Variants in PRDM5 observed in about 807,000 individuals in gnomAD.
The protein encoded by PRDM5 is PR/SET domain 5, also known as PR domain zinc finger protein 5.
A neutral mutation model predicts 81.2 loss-of-function variants in PRDM5; 56 were observed. That is an observed-to-expected ratio of 0.69 (90% CI 0.56 to 0.86). The LOEUF is 0.86. Among genes scored for constraint, PRDM5 ranks in the 40% least tolerant of loss-of-function variants. The pLI is 0.00. For missense variants in PRDM5, 697 were observed against 770.1 expected, an observed-to-expected ratio of 0.91 and a Z score of 1.12; for synonymous variants, 267 against 256.4, an observed-to-expected ratio of 1.04 and a Z score of -0.39.
intron 2 of PRDM5, among the ~76,000 whole-genome samples, chr4:120,897,575 C>A (rs1056996901): frequency 6.6e-6 from 1 of 152,286 alleles, no homozygotes; most frequent in Non-Finnish European, 1.5e-5. Flanking sequence ...ACATCCTCTC[C>A]TGCTAAGCTA....
At chr4:120,834,815 A>G (rs1162332094) in intron 3 of PRDM5, among the ~76,000 whole-genome samples, 1 of 152,146 alleles carries the variant, frequency 6.6e-6, no homozygotes, top group African/African-American at 2.4e-5. Context: ...ATCATCAAGC[A>G]AGGAATTTGG....
intron 2 of PRDM5, among the ~76,000 whole-genome samples, chr4:120,865,455 T>C (rs974588373): frequency 5.3e-5 from 8 of 152,188 alleles, no homozygotes; most frequent in African/African-American, 7.2e-5. Context: ...TGTGATTTGT[T>C]CTCCTGTAGG....
At chr4:120,868,366 T>C (rs1056753929) in intron 2 of PRDM5, among the ~76,000 whole-genome samples, 1 of 152,178 alleles carries the variant, frequency 6.6e-6, no homozygotes, top group Non-Finnish European at 1.5e-5. Flanking sequence ...TAAATAGTAA[T>C]GCTAGCTAGG....
chr4:120,912,712 T>C (rs1241150734), intron 1 of PRDM5, among the ~76,000 whole-genome samples: 2 of 152,216 alleles, frequency 1.3e-5, no homozygotes, highest in African/African-American at 4.8e-5. Context: ...TAGGAGAATG[T>C]CCTTATGCTA....
intron 14 of PRDM5, among the ~76,000 whole-genome samples, chr4:120,737,781 C>T (rs1741333974): frequency 6.6e-6 from 1 of 152,206 alleles, no homozygotes; most frequent in Non-Finnish European, 1.5e-5. Flanking sequence ...GCTATAGTCC[C>T]AGCTCTTAGC....
chr4:120,727,862 G>C (rs1739663603), intron 14 of PRDM5, among the ~76,000 whole-genome samples: 1 of 151,768 alleles, frequency 6.6e-6, no homozygotes, highest in Non-Finnish European at 1.5e-5. Flanking sequence ...CTTGAACCCG[G>C]GAGGTGGAGG....
intron 10 of PRDM5, 114 bp from the exon 11 acceptor site, chr4:120,785,205 T>C (rs929586632): frequency 2.0e-5 from 16 of 785,916 alleles, no homozygotes; most frequent in Non-Finnish European, 3.1e-5. Context: ...GTGGACAGTA[T>C]CTGTTTCTTC....
chr4:120,716,797 C>A (rs143873723), intron 14 of PRDM5, among the ~76,000 whole-genome samples: 1 of 152,162 alleles, frequency 6.6e-6, no homozygotes, highest in East Asian at 1.9e-4. Context: ...GAGGCAGAGC[C>A]AAGAGGTCAT....
rs116394763 is a variant in PRDM5 at position 120,857,530 on chromosome 4, C to T, written c.178-3990G>A. ...TCTAGCCTCTGTTGAATGCTACTGA[C>T]GTCACTTTTCAAGTATCTGAGAGAA... is the stretch of plus-strand genomic sequence containing the variant. On this transcript the variant is annotated intron_variant, in intron 2 of 15. Coordinates refer to ENST00000264808, the MANE Select transcript of PRDM5 (RefSeq NM_018699.4). Among the ~76,000 whole-genome samples, 465 of 152,258 alleles carry T rather than the reference C, an allele frequency of 3.1e-3. 1 individual carries two copies. Among genetic ancestry groups the T allele is most frequent in the African/African-American group, 8.8e-3 (364 of 41,550 alleles).
intron 11 of PRDM5, among the ~76,000 whole-genome samples, chr4:120,782,505 C>A (rs545162495): frequency 5.4e-4 from 82 of 152,126 alleles, no homozygotes; most frequent in African/African-American, 1.8e-3. Context: ...AAATTACCTT[C>A]TCTTTGTCTT....
At chr4:120,760,492 A>C (rs1217753730) in intron 13 of PRDM5, among the ~76,000 whole-genome samples, 1 of 152,192 alleles carries the variant, frequency 6.6e-6, no homozygotes, top group Non-Finnish European at 1.5e-5. Context: ...TAGTGAACAC[A>C]GCAGCATAAA....
At chr4:120,690,295 T>C (rs1027935262), downstream of PRDM5, among the ~76,000 whole-genome samples, 2 of 152,176 alleles carry the variant, frequency 1.3e-5, no homozygotes, top group Non-Finnish European at 2.9e-5. Context: ...ACTATACATG[T>C]GTCCAGATAA....
chr4:120,796,365 T>C (rs868403894), intron 10 of PRDM5, among the ~76,000 whole-genome samples: 1 of 152,240 alleles, frequency 6.6e-6, no homozygotes, highest in South Asian at 2.1e-4. Context: ...ACAAGCATCA[T>C]TGTTTCTATG....
rs748110532 is a variant in PRDM5 at position 120,787,054 on chromosome 4, G to T, written c.1189-1963C>A. ...AGAAGGACAATAAACAAATGAAAAA[G>T]TATGTACTATATTAGGAAGGGATAA... On this transcript the variant is annotated intron_variant, in intron 10 of 15. Coordinates refer to ENST00000264808, the MANE Select transcript of PRDM5 (RefSeq NM_018699.4). Among the ~76,000 whole-genome samples, 6 of 152,268 alleles carry T rather than the reference G, an allele frequency of 3.9e-5. No individual in the cohort carries two copies. In the South Asian group the frequency reaches 6.2e-4, roughly 16 times the overall value.
chr4:120,763,298 A>G (rs1402935063), intron 13 of PRDM5, among the ~76,000 whole-genome samples: 1 of 152,140 alleles, frequency 6.6e-6, no homozygotes, highest in Non-Finnish European at 1.5e-5. Flanking sequence ...AAATTTTTTT[A>G]AAAAAGAATA....
chr4:120,824,381 C>G (rs1006528417), intron 3 of PRDM5, among the ~76,000 whole-genome samples: 1 of 152,146 alleles, frequency 6.6e-6, no homozygotes, highest in Non-Finnish European at 1.5e-5. Flanking sequence ...TGTATATACA[C>G]TTAAGATGAG....
chr4:120,806,610 A>G (rs1393919712), intron 8 of PRDM5, among the ~76,000 whole-genome samples: 1 of 152,210 alleles, frequency 6.6e-6, no homozygotes, highest in African/African-American at 2.4e-5. Flanking sequence ...AGGATTCCCT[A>G]TTTAATAAAT....
At chr4:120,802,325 G>A (rs979241378) in intron 8 of PRDM5, among the ~76,000 whole-genome samples, 2 of 152,218 alleles carry the variant, frequency 1.3e-5, no homozygotes, top group African/African-American at 4.8e-5. Flanking sequence ...CCCAGTGTGA[G>A]CGACGCAGAA....
rs1183703921 is a variant in PRDM5, at chr4:120,816,442, C to T, written c.865+11G>A. Reference sequence around the variant, plus strand: ...AGCCCCTTCGGAAACGACCCTCCAACGACTCCTCACCAGTGTGGACATTTT... The same window carrying T: ...AGCCCCTTCGGAAACGACCCTCCAATGACTCCTCACCAGTGTGGACATTTT... On this transcript the variant is annotated intron_variant, in intron 7 of 15. Coordinates refer to ENST00000264808, the MANE Select transcript of PRDM5 (RefSeq NM_018699.4). The T allele has an allele frequency of 4.3e-6, 7 of 1,614,058 alleles. No homozygotes were observed. The highest frequency in any genetic ancestry group is 1.6e-4 in the Middle Eastern group (1 of 6,084).
Sources: allele counts gnomAD v4.1 joint callset (sites outside exome capture counted in the v4.1 genomes callset), GRCh38; gene constraint gnomAD v4.1.1; transcripts MANE v1.5; gene names NCBI Gene and HGNC (gene_info 2026-07-23, HGNC 2026-07-21).